MDN1: variants seen among roughly 807,000 people sequenced by gnomAD.
MDN1 encodes the protein midasin AAA ATPase 1.
Under a neutral mutation model 669.2 loss-of-function variants are expected in MDN1, and 266 were observed. That is an observed-to-expected ratio of 0.40 (90% CI 0.36 to 0.44). The LOEUF is 0.44. MDN1 is among the 20% of genes least tolerant of loss of function. MDN1 has a pLI of 1.00. For synonymous variants in MDN1, 2,385 were observed against 2,457.1 expected (o/e 0.97, Z 0.87); for missense variants, 5,940 against 6,754.0 (o/e 0.88, Z 4.22).
intron 15 of MDN1, among the ~76,000 whole-genome samples, chr6:89,770,635 G>C (rs1487804614): frequency 6.6e-6 from 1 of 151,988 alleles, no homozygotes; most frequent in Non-Finnish European, 1.5e-5. Flanking sequence ...CTCCCTAGTA[G>C]CTGGGACTAC....
intron 31 of MDN1, among the ~76,000 whole-genome samples, chr6:89,742,903 G>A (rs1024801705): frequency 1.3e-5 from 2 of 152,078 alleles, no homozygotes; most frequent in Non-Finnish European, 2.9e-5. Context: ...AAAAGACATG[G>A]TAATACATCA....
chr6:89,685,445 C>T (rs1055588839), intron 70 of MDN1, among the ~76,000 whole-genome samples: 3 of 152,164 alleles, frequency 2.0e-5, no homozygotes, highest in African/African-American at 7.2e-5. Context: ...TGACAGCGGG[C>T]AGTTTTAGAT....
intron 2 of MDN1, among the ~76,000 whole-genome samples, chr6:89,801,561 G>C (rs916165116): frequency 1.4e-4 from 21 of 151,990 alleles, no homozygotes; most frequent in African/African-American, 5.1e-4. Flanking sequence ...TGAGGTGGGA[G>C]AATCGCTTAA....
chr6:89,813,255 AT>A (rs1768567281), intron 1 of MDN1, among the ~76,000 whole-genome samples: 1 of 152,128 alleles, frequency 6.6e-6, no homozygotes, highest in African/African-American at 2.4e-5. Context: ...TTTTTTAGAA[AT>A]TAGCCAGGCA....
intron 17 of MDN1, among the ~76,000 whole-genome samples, chr6:89,760,029 A>G (rs6900688): frequency 0.99 from 150,964 of 152,208 alleles, 74,871 homozygotes; most frequent in East Asian, 1. Flanking sequence ...CCAAGATTGC[A>G]CCACCGCACT....
At chr6:89,714,375 G>A (rs757578228) in intron 46 of MDN1, among the ~76,000 whole-genome samples, 168 bp downstream of exon 46, 9 of 152,180 alleles carry the variant, frequency 5.9e-5, no homozygotes, top group Non-Finnish European at 8.8e-5. Flanking sequence ...GCCCTGCCCT[G>A]CTGAACCCAA....
Position 89,658,648 on chromosome 6 carries a change from C to T in MDN1, c.14983G>A (p.Gly4995Arg). The change falls in exon 89 of 102, where the codon GGA becomes AGA. Residue 4995 changes from glycine (G) to arginine (R), a missense_variant. By Grantham distance (125) the Gly-to-Arg change is moderately radical (BLOSUM62 -2). Transcript: ENST00000369393. ...EKDKEADEEG[G>R]ENGPADQGFQ... ...CCTTGGTCAGCAGGGCCATTCTCTC[C>T]ACCTTCTTCATCGGCTTCCTTGTCT... The T allele has an allele frequency of 6.2e-7, 1 of 1,612,956 alleles. No homozygotes were observed. Among genetic ancestry groups the T allele is most frequent in the Non-Finnish European group, 8.5e-7 (1 of 1,178,920 alleles).
rs1177710439 is a variant in MDN1 at position 89,749,378 on chromosome 6, A to C, written c.3616-9T>G. ...AAGGCTCTAGAAAGGACCTAGACAA[A>C]GCACAGGAAGAATGCAGTAAAAGGT... is the stretch of plus-strand genomic sequence containing the variant. On this transcript the variant is annotated splice_polypyrimidine_tract_variant and intron_variant, in intron 25 of 101. Transcript: ENST00000369393. 1 of 1,612,952 alleles carries C rather than the reference A, an allele frequency of 6.2e-7. No individual in the cohort carries two copies. Among genetic ancestry groups the C allele is most frequent in the East Asian group, 2.2e-5 (1 of 44,868 alleles).
chr6:89,758,476 A>G, intron 18 of MDN1, 125 bp from the exon 19 acceptor site: 1 of 770,794 alleles, frequency 1.3e-6, no homozygotes, highest in South Asian at 1.8e-5. Flanking sequence ...CCCCACTGAA[A>G]TAACTTTCCA....
In MDN1 at chr6:89,718,614, C is replaced by A; in HGVS notation, c.6335G>T (p.Arg2112Leu). Residue 2112 changes from arginine (R) to leucine (L), a missense_variant, in exon 43 of 102, where the codon CGA becomes CTA. Around this residue, in one of 5 missense-constraint regions of MDN1, gnomAD observed 2,292 missense variants for 2,638.3 expected, o/e 0.87. Coordinates refer to ENST00000369393, the MANE Select transcript of MDN1 (RefSeq NM_014611.3). ...CTTCTCTAGCAGCCTCCTCCAAGGT[C>A]GTATAAGATCAACCTGTAATTTCCA... ...LGGFEQVDLIRPWRRLLEKVE... is the reference protein window; with the variant it reads ...LGGFEQVDLILPWRRLLEKVE... The A allele has an allele frequency of 6.2e-7, 1 of 1,613,742 alleles. No homozygotes were observed. The highest frequency in any genetic ancestry group is 1.1e-5 in the South Asian group (1 of 91,050).
In MDN1 at chr6:89,785,010, A is replaced by T. The variant is rs1818879254; in HGVS notation, c.1449+2T>A. On this transcript the variant is annotated splice_donor_variant, in intron 9 of 101. Transcript: ENST00000369393. LOFTEE classifies it high-confidence loss of function. ...CATTGATACTTTCCAAGACCCACGT[A>T]CCTCATTCAGTTCTCTCTTATCCAG... 1 of 1,595,492 alleles carries T rather than the reference A, an allele frequency of 6.3e-7. No homozygotes were observed. Among genetic ancestry groups the T allele is most frequent in the Admixed American group, 1.7e-5 (1 of 59,942 alleles).
chr6:89,653,193 T>C (rs1392349719), intron 93 of MDN1, 38 bp from the exon 94 acceptor site: 1 of 1,581,106 alleles, frequency 6.3e-7, no homozygotes, highest in South Asian at 1.2e-5. Context: ...CTTATAATAT[T>C]AGCCTGATGA....
chr6:89,688,277 T>A, intron 66 of MDN1, 104 bp from the exon 67 acceptor site: 1 of 1,073,316 alleles, frequency 9.3e-7, no homozygotes, highest in East Asian at 2.4e-5. Context: ...AGTTCTCTAC[T>A]TTTAAAACAC....
chr6:89,790,954 C>G lies in MDN1; in HGVS notation c.856-553G>C, dbSNP rs546026795. ...TGAAGAATCACTTGAACCCAGAAGG[C>G]GGAGGTTGCAGTGGGCCAAGATCGT... On this transcript the variant is annotated intron_variant, in intron 5 of 101. Transcript: ENST00000369393. Among the ~76,000 whole-genome samples, 4 of 152,184 alleles carry G rather than the reference C, an allele frequency of 2.6e-5. No homozygotes were observed. The South Asian group carries it at 8.3e-4, about 32-fold the overall frequency.
At position 89,793,742 on chromosome 6, in the gene MDN1, C is replaced by T; in HGVS notation, c.855+20G>A. 1.9e-6 allele frequency: 3 copies of T among 1,605,574 alleles called. No individual in the cohort carries two copies. Among genetic ancestry groups the T allele is most frequent in the Non-Finnish European group, 2.6e-6 (3 of 1,175,004 alleles). The stretch of plus-strand genomic sequence containing the variant: ...TTTAGTAGGGGGAAGGGGACACACC[C>T]CCTACTGATACCAACATACCAGCTC... On this transcript the variant is annotated intron_variant, in intron 5 of 101. Transcript: ENST00000369393.
Position 89,695,976 on chromosome 6 carries a change from G to A in MDN1, c.9400C>T (p.Leu3134Phe), listed in dbSNP as rs2128308727. 4 of 1,608,296 alleles carry A rather than the reference G, an allele frequency of 2.5e-6. No homozygotes were observed. Among genetic ancestry groups the A allele is most frequent in the Non-Finnish European group, 3.4e-6 (4 of 1,176,954 alleles). The stretch of plus-strand genomic sequence containing the variant: ...TGCCGGAACAGCACCTGCCCCTGGA[G>A]TTGGGAATCCGTGCGTCTGTGGGGA... ...VAEFRRTDSQ[L>F]QGQVLFRHLA... Residue 3134 changes from leucine (L) to phenylalanine (F), a missense_variant, in exon 61 of 102, where the codon CTC becomes TTC. Physicochemically the swap from Leu to Phe is conservative, Grantham distance 22. Coordinates refer to ENST00000369393, the MANE Select transcript of MDN1 (RefSeq NM_014611.3). The surrounding 1 kb of genome is among the most constrained non-coding windows in gnomAD (Gnocchi z 4.1).
In MDN1 at chr6:89,774,603, G is replaced by C; in HGVS notation, c.1934+18C>G. Reference sequence around the variant, plus strand: ...TGGAAACCCCACAGTTGGCAGCTTAGTTTAGAGCCCTACTTACCTCTGTAG... The same window carrying C: ...TGGAAACCCCACAGTTGGCAGCTTACTTTAGAGCCCTACTTACCTCTGTAG... On this transcript the variant is annotated intron_variant, in intron 13 of 101. Coordinates refer to ENST00000369393, the MANE Select transcript of MDN1 (RefSeq NM_014611.3). The C allele has an allele frequency of 6.3e-7, 1 of 1,590,102 alleles. No homozygotes were observed. The highest frequency in any genetic ancestry group is 8.6e-7 in the Non-Finnish European group (1 of 1,158,392).
At position 89,692,436 on chromosome 6, in the gene MDN1, G is replaced by GGCT. The variant is rs774639696; in HGVS notation, c.10587+4_10587+6dup. ...AGGGCAGGGCAGGCCTCCCAGAGAT[G>GGCT]GCTCACCTGACACACATGTCTGAAG... On this transcript the variant is annotated splice_region_variant and intron_variant, in intron 63 of 101. Coordinates refer to ENST00000369393, the MANE Select transcript of MDN1 (RefSeq NM_014611.3). The GGCT allele has an allele frequency of 6.3e-7, 1 of 1,598,776 alleles. No individual in the cohort carries two copies. The highest frequency in any genetic ancestry group is 8.5e-7 in the Non-Finnish European group (1 of 1,171,636).
Position 89,664,504 on chromosome 6 carries a change from C to CAGG in MDN1, c.14218_14219insCCT (p.Gly4740delinsAlaTrp). 6.2e-7 allele frequency: 1 copy of CAGG among 1,613,870 alleles called. No individual in the cohort carries two copies. The highest frequency in any genetic ancestry group is 2.2e-5 in the East Asian group (1 of 44,854). On this transcript the variant is annotated protein_altering_variant, in exon 85 of 102. Coordinates refer to ENST00000369393, the MANE Select transcript of MDN1 (RefSeq NM_014611.3). The stretch of plus-strand genomic sequence containing the variant: ...TCTGAAACCTTGTTCTTCAAGCTCC[C>CAGG]CATCATGCATTTTCCCATCAAAATC...
Sources: gnomAD v4.1 joint callset for allele counts (sites outside exome capture counted in the v4.1 genomes callset) on GRCh38, gnomAD v4.1.1 for gene constraint, gnomAD v4.1.1 regional missense constraint, Gnocchi (gnomAD v3.1) non-coding constraint, MANE v1.5 for transcripts, NCBI Gene and HGNC (gene_info 2026-07-23, HGNC 2026-07-21) for gene names.